MSH3: variants seen among roughly 807,000 people sequenced by gnomAD.
MSH3 encodes the protein mutS homolog 3.
A neutral mutation model predicts 123.3 loss-of-function variants in MSH3; 106 were observed. The ratio of observed to expected loss-of-function variants is 0.86; its 90% CI spans 0.73 to 1.01. The LOEUF is 1.01. MSH3 is among the 50% of genes least tolerant of loss of function. MSH3 has a pLI of 0.00. For missense variants in MSH3, 1,459 were observed against 1,347.6 expected (o/e 1.08, Z -1.29); for synonymous variants, 515 against 481.4 (o/e 1.07, Z -0.91).
chr5:80,730,908 CTT>C (rs1277889418), intron 10 of MSH3, among the ~76,000 whole-genome samples: 3 of 102,630 alleles, frequency 2.9e-5, no homozygotes, highest in Admixed American at 9.9e-5. Flanking sequence ...TTTTTTTTTT[CTT>C]TTTTTTTTTT....
In MSH3 at chr5:80,842,032, G is replaced by A. The variant is rs572462891; in HGVS notation, c.2814-12098G>A. Among the ~76,000 whole-genome samples, 5 of 152,224 alleles carry A rather than the reference G, an allele frequency of 3.3e-5. No homozygotes were observed. In the South Asian group the frequency reaches 8.3e-4, roughly 25 times the overall value. ...TAGGTTTTCTTCTAGGGTTTTTATG[G>A]TTTTAGGTCTTACATGTAAGTATTT... is the stretch of plus-strand genomic sequence containing the variant. On this transcript the variant is annotated intron_variant, in intron 20 of 23. Transcript: ENST00000265081.
chr5:80,787,669 G>A lies in MSH3; in HGVS notation c.2540G>A (p.Cys847Tyr), dbSNP rs1451973481. ...LAKVAKQGDY[C>Y]RPTVQEERKI... ...AAGGTCGCTAAGCAAGGAGATTACT[G>A]CAGGTAAGATATTTTTCATTTTCCT... is the stretch of plus-strand genomic sequence containing the variant. The change falls in exon 18 of 24, where the codon TGC becomes TAC. Residue 847 changes from cysteine to tyrosine, a missense_variant. By Grantham distance (194) the Cys-to-Tyr change is radical (BLOSUM62 -2). Coordinates refer to ENST00000265081, the MANE Select transcript of MSH3 (RefSeq NM_002439.5). 6.2e-7 allele frequency: 1 copy of A among 1,606,746 alleles called. No individual in the cohort carries two copies. The highest frequency in any genetic ancestry group is 8.5e-7 in the Non-Finnish European group (1 of 1,173,586).
intron 12 of MSH3, among the ~76,000 whole-genome samples, chr5:80,749,442 C>T (rs1219672815): frequency 6.6e-6 from 1 of 152,160 alleles, no homozygotes; most frequent in Admixed American, 6.5e-5. Flanking sequence ...TTATCATAGC[C>T]ACACTGGCAG....
At position 80,824,244 on chromosome 5, in the gene MSH3, G is replaced by T. The variant is rs1745250598; in HGVS notation, c.2813+10503G>T. Among the ~76,000 whole-genome samples, 4 of 152,236 alleles carry T rather than the reference G, an allele frequency of 2.6e-5. No homozygotes were observed. The South Asian group carries it at 6.2e-4, about 24-fold the overall frequency. On this transcript the variant is annotated intron_variant, in intron 20 of 23. Transcript: ENST00000265081. ...CAGACGGGGTGGCGGCCGGGCAGAG[G>T]GGCTCCTCACTTCCCAGAGGGGCGG... is the stretch of plus-strand genomic sequence containing the variant.
chr5:80,741,616 TCTG>T, intron 11 of MSH3, 68 bp downstream of exon 11: 1 of 1,126,020 alleles, frequency 8.9e-7, no homozygotes, highest in Non-Finnish European at 1.4e-6. Context: ...AAGGCAGCAG[TCTG>T]TTTTTAGAGG....
At chr5:80,787,148 G>A (rs1444186261) in intron 17 of MSH3, among the ~76,000 whole-genome samples, 1 of 152,192 alleles carries the variant, frequency 6.6e-6, no homozygotes, top group Non-Finnish European at 1.5e-5. Flanking sequence ...AGAGAAAGGT[G>A]TTGAAACTGT....
intron 19 of MSH3, among the ~76,000 whole-genome samples, chr5:80,808,861 A>ATATATATATATATCTATATCTATATC (rs1248778231): frequency 4.7e-4 from 48 of 103,026 alleles, no homozygotes; most frequent in African/African-American, 2.0e-3. Flanking sequence ...TCTTCTTCAT[A>ATATATATATATATCTATATCTATATC]TATATATATA....
chr5:80,858,237 T>G (rs1216020412), intron 21 of MSH3, among the ~76,000 whole-genome samples: 1 of 151,950 alleles, frequency 6.6e-6, no homozygotes, highest in Non-Finnish European at 1.5e-5. Flanking sequence ...TTATAGAGAT[T>G]GGGGTCTCAC....
chr5:80,748,697 C>T (rs1240962877), intron 12 of MSH3, among the ~76,000 whole-genome samples: 11 of 5,210 alleles, frequency 2.1e-3, no homozygotes, highest in Non-Finnish European at 3.0e-3. Context: ...TATTTACACA[C>T]ACACACACAC....
chr5:80,875,899 T>G lies in MSH3; in HGVS notation c.*37T>G. The stretch of plus-strand genomic sequence containing the variant: ...CATTTGTGAACAAAAAATGGAGAAT[T>G]AAAAATACCAACTGTACAAAATAAC... On this transcript the variant is annotated 3_prime_UTR_variant, in exon 24 of 24. Coordinates refer to ENST00000265081, the MANE Select transcript of MSH3 (RefSeq NM_002439.5). 8.0e-7 allele frequency: 1 copy of G among 1,254,214 alleles called. No homozygotes were observed. The highest frequency in any genetic ancestry group is 1.9e-4 in the Middle Eastern group (1 of 5,246). 77.7% of individuals were successfully genotyped at this position (1,254,214 alleles called of 1,614,324 possible). A position where few individuals can be genotyped will look rare whatever the true frequency, so the allele number is the denominator to read the frequency against.
In MSH3 at chr5:80,729,430, A is replaced by ATGTGTGTGTGTGTG. The variant is rs71594671; in HGVS notation, c.1568+483_1568+496dup. Among the ~76,000 whole-genome samples the ATGTGTGTGTGTGTG allele has an allele frequency of 7.0e-3, 549 of 78,234 alleles. 16 individuals carry two copies. Among genetic ancestry groups the ATGTGTGTGTGTGTG allele is most frequent in the East Asian group, 0.018 (50 of 2,782 alleles). 51.3% of individuals were successfully genotyped at this position (78,234 alleles called of 152,430 possible). A position where few individuals can be genotyped will look rare whatever the true frequency, so the allele number is the denominator to read the frequency against. ...CTCCGTCCCAAAAAAAAAAAAAAAAATGTGTGTGTGTGTGTGTGTGTGTGT... is the reference window on the plus strand; with the variant it reads ...CTCCGTCCCAAAAAAAAAAAAAAAAATGTGTGTGTGTGTGTGTGTGTGTGTGTGTGTGTGTGTGT... On this transcript the variant is annotated intron_variant, in intron 10 of 23. Transcript: ENST00000265081.
chr5:80,830,788 A>G (rs1369688952), intron 20 of MSH3, among the ~76,000 whole-genome samples: 1 of 152,222 alleles, frequency 6.6e-6, no homozygotes, highest in Non-Finnish European at 1.5e-5. Context: ...GAACACTGTC[A>G]TGTGAGCCTG....
chr5:80,660,353 A>G (rs897444372), intron 2 of MSH3, among the ~76,000 whole-genome samples: 4 of 152,164 alleles, frequency 2.6e-5, no homozygotes, highest in Admixed American at 1.3e-4. Flanking sequence ...CTTATTCACT[A>G]TCATGGGAAT....
At chr5:80,799,679 T>C (rs886770582) in intron 19 of MSH3, among the ~76,000 whole-genome samples, 1 of 152,098 alleles carries the variant, frequency 6.6e-6, no homozygotes, top group African/African-American at 2.4e-5. Flanking sequence ...AGTGAAAGCA[T>C]GTCTTCTCCT....
intron 10 of MSH3, among the ~76,000 whole-genome samples, chr5:80,740,149 T>G (rs1338593526): frequency 6.6e-6 from 1 of 152,234 alleles, no homozygotes; most frequent in East Asian, 1.9e-4. Context: ...GATTAGTACT[T>G]CTTAACACGA....
At chr5:80,824,146 TC>T in intron 20 of MSH3, among the ~76,000 whole-genome samples, 1 of 152,212 alleles carries the variant, frequency 6.6e-6, no homozygotes, top group African/African-American at 2.4e-5. Context: ...TCCCCACATT[TC>T]CCCCTTTTCT....
At chr5:80,864,326 C>T (rs1746063795) in intron 21 of MSH3, among the ~76,000 whole-genome samples, 2 of 152,068 alleles carry the variant, frequency 1.3e-5, no homozygotes, top group African/African-American at 4.8e-5. Context: ...CCCCCTCCAC[C>T]CACACTCTAT....
intron 12 of MSH3, 58 bp downstream of exon 12, chr5:80,744,673 G>A (rs1743683352): frequency 7.6e-7 from 1 of 1,316,502 alleles, no homozygotes; most frequent in Non-Finnish European, 1.1e-6. Context: ...TGAAATTAAA[G>A]GCATTTTAAA....
At chr5:80,683,724 A>G (rs993167219) in intron 8 of MSH3, among the ~76,000 whole-genome samples, 5 of 151,986 alleles carry the variant, frequency 3.3e-5, no homozygotes, top group African/African-American at 1.2e-4. Context: ...CCATTTGTCC[A>G]TCTTTGCTTT....
Sources: gnomAD v4.1 joint callset for allele counts (sites outside exome capture counted in the v4.1 genomes callset) on GRCh38, gnomAD v4.1.1 for gene constraint, MANE v1.5 for transcripts, NCBI Gene and HGNC (gene_info 2026-07-23, HGNC 2026-07-21) for gene names.